GLB1: variants seen among roughly 807,000 people sequenced by gnomAD.
GLB1 encodes galactosidase beta 1.
A neutral mutation model predicts 74.0 loss-of-function variants in GLB1; 56 were observed. That is an observed-to-expected ratio of 0.76 (90% CI 0.61 to 0.94). The LOEUF is 0.94. Among genes scored for constraint, GLB1 ranks in the 40% least tolerant of loss-of-function variants. The probability of loss-of-function intolerance (pLI) is 0.00; values close to 1 mark genes in which losing one functional copy is unlikely to be tolerated. For missense variants in GLB1, 787 were observed against 845.5 expected, an observed-to-expected ratio of 0.93 and a Z score of 0.86; for synonymous variants, 323 against 323.6, an observed-to-expected ratio of 1.00 and a Z score of 0.02.
chr3:33,073,531 T>C (rs2125555205), intron 1 of GLB1, among the ~76,000 whole-genome samples: 1 of 151,082 alleles, frequency 6.6e-6, no homozygotes, highest in East Asian at 2.0e-4. Flanking sequence ...CTACCAAAAA[T>C]ACAAAAATTA....
chr3:33,074,154 A>G (rs1699996180), intron 1 of GLB1, among the ~76,000 whole-genome samples: 1 of 144,208 alleles, frequency 6.9e-6, no homozygotes, highest in Admixed American at 7.3e-5. Context: ...CCTGGCCAAC[A>G]TGGTGAAACC....
intron 4 of GLB1, among the ~76,000 whole-genome samples, chr3:33,066,925 G>T (rs1395463109): frequency 6.6e-6 from 1 of 151,642 alleles, no homozygotes; most frequent in Non-Finnish European, 1.5e-5. Context: ...TATAAAAGTG[G>T]CCAGAATATA....
At chr3:33,010,727 G>A (rs1318726633) in intron 15 of GLB1, among the ~76,000 whole-genome samples, 1 of 152,096 alleles carries the variant, frequency 6.6e-6, no homozygotes, top group East Asian at 1.9e-4. Flanking sequence ...CCAAGATCAT[G>A]GAGATTTCTC....
intron 1 of GLB1, chr3:33,090,592 C>T: frequency 2.0e-6 from 2 of 985,406 alleles, no homozygotes; most frequent in Non-Finnish European, 2.4e-6. Context: ...AGTAACGTTT[C>T]TCACCACCTC....
At chr3:33,045,656 C>T (rs1408131748) in intron 10 of GLB1, 3 of 1,007,330 alleles carry the variant, frequency 3.0e-6, no homozygotes, top group Admixed American at 1.0e-4. Flanking sequence ...TATTGAAGTA[C>T]ATTAGCTGTG....
chr3:33,041,293 A>G (rs1481123695), intron 10 of GLB1, among the ~76,000 whole-genome samples: 1 of 152,208 alleles, frequency 6.6e-6, no homozygotes, highest in Non-Finnish European at 1.5e-5. Flanking sequence ...GACAGAGTAC[A>G]GTAAACTGAC....
chr3:33,065,946 CAACAAGAGTGA>C (rs1377012400), intron 4 of GLB1, among the ~76,000 whole-genome samples: 2 of 113,148 alleles, frequency 1.8e-5, no homozygotes, highest in Non-Finnish European at 3.5e-5. Context: ...CCAGCCTGGG[CAACAAGAGTGA>C]AACTCTGTCT....
the GLB1 span, among the ~76,000 whole-genome samples, chr3:32,988,329 T>TAAGAGAA: frequency 1.3e-5 from 2 of 152,154 alleles, no homozygotes; most frequent in South Asian, 4.2e-4. Context: ...AATTGGTCAC[T>TAAGAGAA]AAGAGAAAGA....
downstream of GLB1, among the ~76,000 whole-genome samples, chr3:32,994,050 T>C (rs4586761): frequency 0.32 from 47,940 of 152,116 alleles, 8,191 homozygotes; most frequent in East Asian, 0.62. Context: ...AATTACTATA[T>C]GACTAAACAA....
At chr3:33,094,359 T>C in intron 1 of GLB1, 1 of 1,383,660 alleles carries the variant, frequency 7.2e-7, no homozygotes, top group Non-Finnish European at 9.4e-7. Context: ...CTTGTACCCA[T>C]TCAAAACTCA....
chr3:33,030,504 T>C, intron 10 of GLB1: 1 of 985,456 alleles, frequency 1.0e-6, no homozygotes. Flanking sequence ...TCACCAGCAC[T>C]ATACATCAGC....
chr3:32,966,290 G>T, the GLB1 span, among the ~76,000 whole-genome samples: 1 of 152,202 alleles, frequency 6.6e-6, no homozygotes, highest in Non-Finnish European at 1.5e-5. Flanking sequence ...CCCATCTCTT[G>T]CATCACCATG....
the GLB1 span, among the ~76,000 whole-genome samples, chr3:32,964,830 C>A: frequency 1.3e-5 from 2 of 152,188 alleles, no homozygotes; most frequent in Admixed American, 1.3e-4. Context: ...ACAATCCCCA[C>A]GTGTCATGGG....
At chr3:32,992,490 T>C (rs1346532993), downstream of GLB1, among the ~76,000 whole-genome samples, 8 of 152,244 alleles carry the variant, frequency 5.3e-5, no homozygotes. Context: ...AGCTACTACA[T>C]GGCAAATGCT....
chr3:33,027,035 A>T (rs1575424326), intron 10 of GLB1, among the ~76,000 whole-genome samples: 1 of 152,328 alleles, frequency 6.6e-6, no homozygotes, highest in South Asian at 2.1e-4. Context: ...CCCCTTGCTC[A>T]CCACGTTGTG....
In GLB1 at chr3:33,093,601, G is replaced by C. The variant is rs1455015439; in HGVS notation, c.75+3410C>G. On this transcript the variant is annotated intron_variant, in intron 1 of 15. Coordinates refer to ENST00000307363, the MANE Select transcript of GLB1 (RefSeq NM_000404.4). The surrounding 1 kb of genome is among the most constrained non-coding windows in gnomAD (Gnocchi z 6.0). ...AGGTTGTTCATTGAGGCAGGCAGCT[G>C]ATGGATGGGCACCTCCACAGTTTTC... 6.2e-7 allele frequency: 1 copy of C among 1,614,178 alleles called. No homozygotes were observed. The highest frequency in any genetic ancestry group is 2.2e-5 in the East Asian group (1 of 44,870).
the GLB1 span, among the ~76,000 whole-genome samples, chr3:32,972,364 G>A: frequency 1.1e-4 from 17 of 152,166 alleles, no homozygotes; most frequent in African/African-American, 2.7e-4. Flanking sequence ...CCTAGAAATC[G>A]ATGATAATGG....
intron 10 of GLB1, among the ~76,000 whole-genome samples, chr3:33,032,856 CAT>C (rs1428703338): frequency 6.6e-6 from 1 of 152,212 alleles, no homozygotes; most frequent in Non-Finnish European, 1.5e-5. Context: ...TTCATAGTGT[CAT>C]ATGTTTTTGT....
At chr3:33,028,984 G>C (rs1287088866) in intron 10 of GLB1, among the ~76,000 whole-genome samples, 3 of 152,074 alleles carry the variant, frequency 2.0e-5, no homozygotes, top group Non-Finnish European at 4.4e-5. Context: ...AATTTTCTAT[G>C]TAGATCTTGA....
Sources: allele counts gnomAD v4.1 joint callset (sites outside exome capture counted in the v4.1 genomes callset), GRCh38; gene constraint gnomAD v4.1.1; non-coding constraint Gnocchi (gnomAD v3.1); transcripts MANE v1.5; gene names NCBI Gene and HGNC (gene_info 2026-07-23, HGNC 2026-07-21).